The following PRKN variants were observed in gnomAD, a reference collection of about 807,000 sequenced individuals.
The protein encoded by PRKN is parkin RBR E3 ubiquitin protein ligase.
In PRKN, 56 loss-of-function variants were observed where a neutral mutation model predicts 59.5. That is an observed-to-expected ratio of 0.94 (90% CI 0.76 to 1.18). The LOEUF (loss-of-function observed/expected upper bound fraction) is 1.18, where lower values mean the gene tolerates loss of function less well. Ranked by LOEUF, PRKN falls within the 50% of genes most tolerant of loss-of-function variation. The probability of loss-of-function intolerance (pLI) is 0.00; values close to 1 mark genes in which losing one functional copy is unlikely to be tolerated. For synonymous variants in PRKN, 250 were observed against 222.1 expected, an observed-to-expected ratio of 1.13 and a Z score of -1.12; for missense variants, 657 against 596.4, an observed-to-expected ratio of 1.10 and a Z score of -1.06.
Position 161,484,414 on chromosome 6 carries a change from A to T in PRKN, c.1083+64440T>A, listed in dbSNP as rs919587670. Among the ~76,000 whole-genome samples, 2 of 152,130 alleles carry T rather than the reference A, an allele frequency of 1.3e-5. No individual in the cohort carries two copies. Among genetic ancestry groups the T allele is most frequent in the African/African-American group, 4.8e-5 (2 of 41,438 alleles). On this transcript the variant is annotated intron_variant, in intron 9 of 11. Transcript: ENST00000366898. The surrounding 1 kb of genome is among the most constrained non-coding windows in gnomAD (Gnocchi z 4.9). ...TTATTTCCTTTACTAACAATAACTA[A>T]GATGCACTGGGTACGTTACGTGTTA... is the stretch of plus-strand genomic sequence containing the variant.
chr6:162,699,241 C>T (rs916995891), intron 1 of PRKN, among the ~76,000 whole-genome samples: 1 of 152,152 alleles, frequency 6.6e-6, no homozygotes, highest in African/African-American at 2.4e-5. Context: ...TATGAAATCA[C>T]TCTTGCCTTT....
chr6:162,325,327 C>T (rs6930880), intron 2 of PRKN, among the ~76,000 whole-genome samples: 91,021 of 151,976 alleles, frequency 0.6, 27,633 homozygotes, highest in Middle Eastern at 0.65. Context: ...ATTGACTATC[C>T]TCGTTTCCTC....
chr6:162,330,511 C>G (rs572626909), intron 2 of PRKN, among the ~76,000 whole-genome samples: 1 of 152,272 alleles, frequency 6.6e-6, no homozygotes, highest in East Asian at 1.9e-4. Context: ...AAGGCTGAAA[C>G]TGAATTCTAG....
At position 161,363,124 on chromosome 6, in the gene PRKN, C is replaced by T. The variant is rs144269902; in HGVS notation, c.1168-2919G>A. Among the ~76,000 whole-genome samples, 1,831 of 152,230 alleles carry T rather than the reference C, an allele frequency of 0.012. 33 individuals are homozygous for T. Among genetic ancestry groups the T allele is most frequent in the African/African-American group, 0.042 (1,750 of 41,554 alleles). The stretch of plus-strand genomic sequence containing the variant: ...AAGCGTGGTGGTGTGCACCTGTAGT[C>T]CCAGGTACTTGGGAGGCTGAGGCAG... On this transcript the variant is annotated intron_variant, in intron 10 of 11. Transcript: ENST00000366898. This position sits in a 1 kb window ranked among gnomAD's most constrained non-coding sequence, Gnocchi z 4.1.
At chr6:161,524,499 C>T (rs1778948629) in intron 9 of PRKN, among the ~76,000 whole-genome samples, 1 of 152,102 alleles carries the variant, frequency 6.6e-6, no homozygotes. Context: ...CTGCATGCCC[C>T]TGTGCTCAGC....
At chr6:161,383,419 A>C (rs988171065) in intron 10 of PRKN, among the ~76,000 whole-genome samples, 1 of 152,212 alleles carries the variant, frequency 6.6e-6, no homozygotes, top group Non-Finnish European at 1.5e-5. Flanking sequence ...TCTGCTTTGC[A>C]TCTGGAAGGC....
At chr6:161,374,873 G>A (rs1785626947) in intron 10 of PRKN, among the ~76,000 whole-genome samples, 2 of 152,072 alleles carry the variant, frequency 1.3e-5, no homozygotes, top group South Asian at 2.1e-4. Flanking sequence ...TTGCAAAGTC[G>A]GTTCAGAATT....
At chr6:162,657,330 A>T (rs1778680863) in intron 1 of PRKN, among the ~76,000 whole-genome samples, 1 of 152,186 alleles carries the variant, frequency 6.6e-6, no homozygotes, top group Non-Finnish European at 1.5e-5. Flanking sequence ...ATTGCAGATA[A>T]ATTACAAATT....
At chr6:162,420,585 T>C (rs1470297983) in intron 2 of PRKN, among the ~76,000 whole-genome samples, 1 of 152,148 alleles carries the variant, frequency 6.6e-6, no homozygotes, top group Non-Finnish European at 1.5e-5. Flanking sequence ...ATCTCCTTTC[T>C]AGGAGATTCG....
chr6:162,376,567 A>G (rs1430627548), intron 2 of PRKN, among the ~76,000 whole-genome samples: 1 of 151,300 alleles, frequency 6.6e-6, no homozygotes, highest in African/African-American at 2.4e-5. Context: ...CTACAAATGA[A>G]TACCTGGGGC....
chr6:162,586,394 T>C (rs1781060295), intron 1 of PRKN, among the ~76,000 whole-genome samples: 1 of 152,220 alleles, frequency 6.6e-6, no homozygotes, highest in Non-Finnish European at 1.5e-5. Flanking sequence ...GAGAAACCAC[T>C]AAAATGTTCT....
At chr6:161,431,599 CTTTTCTTTTCTTTTTCT>C (rs1353491188) in intron 9 of PRKN, among the ~76,000 whole-genome samples, 1 of 151,292 alleles carries the variant, frequency 6.6e-6, no homozygotes, top group Admixed American at 6.6e-5. Flanking sequence ...TTCTTTCTTT[CTTTTCTTTTCTTTTTCT>C]TTTTCTTTTT....
intron 5 of PRKN, among the ~76,000 whole-genome samples, chr6:162,020,332 C>CAAAAAAAAAAAAAAAAAAAAAAAAAAAAA (rs771141235): frequency 4.4e-5 from 2 of 45,510 alleles, no homozygotes; most frequent in Non-Finnish European, 9.2e-5. Context: ...ACCAATGAAT[C>CAAAAAAAAAAAAAAAAAAAAAAAAAAAAA]AAAAAAAAAA....
At chr6:161,610,141 T>G (rs1305810890) in intron 7 of PRKN, among the ~76,000 whole-genome samples, 1 of 152,190 alleles carries the variant, frequency 6.6e-6, no homozygotes, top group Non-Finnish European at 1.5e-5. Flanking sequence ...AATTATTTCA[T>G]CAACTCATCC....
chr6:161,374,314 GTT>G (rs1562403315), intron 10 of PRKN, among the ~76,000 whole-genome samples: 3 of 151,514 alleles, frequency 2.0e-5, no homozygotes, highest in East Asian at 1.9e-4. Context: ...GTGCGCGTGT[GTT>G]GTGTGTGTAA....
chr6:162,035,527 A>G (rs980913784), intron 5 of PRKN, among the ~76,000 whole-genome samples: 2 of 152,262 alleles, frequency 1.3e-5, no homozygotes, highest in African/African-American at 4.8e-5. Flanking sequence ...GGTGTTAAAA[A>G]TAAGTCCATC....
chr6:162,094,959 T>C (rs1779665769), intron 4 of PRKN, among the ~76,000 whole-genome samples: 1 of 152,098 alleles, frequency 6.6e-6, no homozygotes. Context: ...TGGAGATGTA[T>C]AGATAGATAG....
In PRKN at chr6:161,820,741, T is replaced by C. The variant is rs7767786; in HGVS notation, c.735-34833A>G. ...ATATAATTATATATTCATTTATAGG[T>C]GTATATATTTATAAGCATAAATATA... On this transcript the variant is annotated intron_variant, in intron 6 of 11. Transcript: ENST00000366898. 4.5e-3 allele frequency among the ~76,000 whole-genome samples: 671 copies of C among 149,514 alleles called. 7 individuals are homozygous for C. Among genetic ancestry groups the C allele is most frequent in the African/African-American group, 0.016 (647 of 41,146 alleles).
At chr6:161,880,901 A>C (rs1284376451) in intron 6 of PRKN, among the ~76,000 whole-genome samples, 1 of 152,202 alleles carries the variant, frequency 6.6e-6, no homozygotes, top group Non-Finnish European at 1.5e-5. Context: ...TCAGGGTTAT[A>C]AGGACGTGGG....
Sources: allele counts gnomAD v4.1 joint callset (sites outside exome capture counted in the v4.1 genomes callset), GRCh38; gene constraint gnomAD v4.1.1; non-coding constraint Gnocchi (gnomAD v3.1); transcripts MANE v1.5; gene names NCBI Gene and HGNC (gene_info 2026-07-23, HGNC 2026-07-21).